Variants in ATP13A5 observed in about 807,000 individuals in gnomAD.
The protein encoded by ATP13A5 is ATPase 13A5, also known as probable cation-transporting ATPase 13A5.
A neutral mutation model predicts 150.2 loss-of-function variants in ATP13A5; 149 were observed. The observed-to-expected ratio is 0.99, with a 90% CI of 0.87 to 1.14. The LOEUF is 1.14. ATP13A5 is among the 50% of genes most tolerant of loss of function. The pLI is 0.00. For missense variants in ATP13A5, 1,383 were observed against 1,449.3 expected (o/e 0.95, Z 0.74); for synonymous variants, 497 against 522.2 (o/e 0.95, Z 0.66).
Position 193,331,170 on chromosome 3 carries a change from G to A in ATP13A5, c.1414C>T (p.Gln472Ter), listed in dbSNP as rs765298077. 17 of 1,614,082 alleles carry A rather than the reference G, an allele frequency of 1.1e-5. No individual in the cohort carries two copies. Among genetic ancestry groups the A allele is most frequent in the Non-Finnish European group, 1.4e-5 (17 of 1,179,966 alleles). The change falls in exon 12 of 30, where the codon CAG becomes TAG. Residue 472 changes from glutamine to a stop codon, truncating the protein, a stop_gained. Coordinates refer to ENST00000342358, the MANE Select transcript of ATP13A5 (RefSeq NM_198505.4). LOFTEE classifies it high-confidence loss of function. ...ATTTGCCCACACATGTTGATTCTCT[G>A]TGGGGAGATACAGAAGATTTTCTTT... ...KKKKIFCISP[Q>*]RINMCGQINL...
intron 7 of ATP13A5, 77 bp from the exon 8 acceptor site, chr3:193,345,152 C>T: frequency 7.4e-7 from 1 of 1,351,946 alleles, no homozygotes. Context: ...ACAGTAAATA[C>T]CAGGCCAGCT....
chr3:193,329,227 G>A (rs1259038053), intron 12 of ATP13A5, among the ~76,000 whole-genome samples: 7 of 146,044 alleles, frequency 4.8e-5, no homozygotes, highest in South Asian at 2.3e-4. Context: ...GTGACAGAGC[G>A]AGACTCCATC....
In ATP13A5 at chr3:193,322,523, T is replaced by G; in HGVS notation, c.1726A>C (p.Asn576His). Residue 576 changes from asparagine to histidine, a missense_variant, in exon 15 of 30, where the codon AAC (asparagine) becomes CAC (histidine). By Grantham distance (68) the Asn-to-His change is moderately conservative. Transcript: ENST00000342358. ...GCTTTTGGTCCTGGTTTTATGATGTTTGAAACTGACGTCCCAAATTTGCAG... is the reference window on the plus strand; with the variant it reads ...GCTTTTGGTCCTGGTTTTATGATGTGTGAAACTGACGTCCCAAATTTGCAG... The part of the protein sequence containing the change: ...DSCKFGTSVS[N>H]IIKPGPKASK... 6 of 1,613,990 alleles carry G rather than the reference T, an allele frequency of 3.7e-6. No homozygotes were observed. The highest frequency in any genetic ancestry group is 5.1e-6 in the Non-Finnish European group (6 of 1,179,914).
At chr3:193,283,922 T>A (rs968310937) in intron 27 of ATP13A5, among the ~76,000 whole-genome samples, 1 of 151,012 alleles carries the variant, frequency 6.6e-6, no homozygotes, top group East Asian at 1.9e-4. Context: ...GGCATAATTA[T>A]TAATAGTGTC....
intron 25 of ATP13A5, among the ~76,000 whole-genome samples, chr3:193,290,433 A>C (rs373912694): frequency 2.0e-5 from 3 of 152,114 alleles, no homozygotes; most frequent in Admixed American, 2.0e-4. Flanking sequence ...TGATGACAGG[A>C]AAGTGGAGAG....
rs181470282 is a variant in ATP13A5 at position 193,283,944 on chromosome 3, C to A, written c.3226+970G>T. On this transcript the variant is annotated intron_variant, in intron 27 of 29. Coordinates refer to ENST00000342358, the MANE Select transcript of ATP13A5 (RefSeq NM_198505.4). ...TTATTAATAGTGTCTCACTTCACTC[C>A]TAAAGAGTGTCCCAGTCTGATCAGT... Among the ~76,000 whole-genome samples the A allele has an allele frequency of 3.5e-3, 527 of 150,894 alleles. 2 individuals are homozygous for A. Among genetic ancestry groups the A allele is most frequent in the South Asian group, 9.2e-3 (43 of 4,688 alleles).
intron 13 of ATP13A5, among the ~76,000 whole-genome samples, chr3:193,325,515 T>C (rs1577350971): frequency 6.6e-6 from 1 of 152,172 alleles, no homozygotes; most frequent in Admixed American, 6.5e-5. Context: ...GCCCACATAA[T>C]GGCAGCATTG....
intron 5 of ATP13A5, among the ~76,000 whole-genome samples, chr3:193,362,155 C>T (rs927702976): frequency 2.6e-5 from 4 of 152,144 alleles, no homozygotes; most frequent in African/African-American, 7.2e-5. Flanking sequence ...CTCTACAAGC[C>T]TGAGATAAAA....
intron 12 of ATP13A5, among the ~76,000 whole-genome samples, chr3:193,328,957 C>T (rs1286614877): frequency 6.6e-6 from 1 of 152,168 alleles, no homozygotes; most frequent in Non-Finnish European, 1.5e-5. Context: ...AAAAGTCACA[C>T]AGAGATGGGC....
chr3:193,344,985 GC>G lies in ATP13A5; in HGVS notation c.814+17del. On this transcript the variant is annotated intron_variant, in intron 8 of 29. Coordinates refer to ENST00000342358, the MANE Select transcript of ATP13A5 (RefSeq NM_198505.4). ...CTGAAATATTAAGATGCTGAAGATGGCCTAACACATCACTTACCTTTGTCTT... is the reference window on the plus strand; with the variant it reads ...CTGAAATATTAAGATGCTGAAGATGGCTAACACATCACTTACCTTTGTCTT... The G allele has an allele frequency of 1.2e-6, 2 of 1,603,128 alleles. No homozygotes were observed. The highest frequency in any genetic ancestry group is 1.7e-6 in the Non-Finnish European group (2 of 1,170,230).
intron 2 of ATP13A5, 151 bp downstream of exon 2, chr3:193,363,956 G>T (rs1713137157): frequency 1.2e-6 from 1 of 805,446 alleles, no homozygotes; most frequent in Non-Finnish European, 1.9e-6. Context: ...AGGTAATTTT[G>T]CCGTATTTTC....
In ATP13A5 at chr3:193,315,057, G is replaced by A. The variant is rs1267537387; in HGVS notation, c.2073C>T (p.Leu691=). The stretch of plus-strand genomic sequence containing the variant: ...CTTTTTTCAAGCGATTCTCCATGAT[G>A]AGAAGTCCCAGAAATGTTAACTCTG... ...VESELTFLGL[L]IMENRLKKET... Residue 691 remains leucine, a synonymous_variant, in exon 18 of 30, where the codon CTC becomes CTT. Transcript: ENST00000342358. The A allele has an allele frequency of 3.7e-6, 6 of 1,613,038 alleles. No individual in the cohort carries two copies. Among genetic ancestry groups the A allele is most frequent in the Admixed American group, 1.7e-5 (1 of 59,932 alleles).
At chr3:193,326,648 C>T (rs765671989) in intron 13 of ATP13A5, among the ~76,000 whole-genome samples, 6 of 152,174 alleles carry the variant, frequency 3.9e-5, no homozygotes, top group Non-Finnish European at 5.9e-5. Context: ...TTTTATCCCG[C>T]TAGACTGTGA....
intron 1 of ATP13A5, among the ~76,000 whole-genome samples, chr3:193,370,118 T>A (rs1334548368): frequency 6.6e-6 from 1 of 152,208 alleles, no homozygotes; most frequent in East Asian, 1.9e-4. Context: ...GCAGTGGTGT[T>A]CCTTTACATT....
rs1711787750 is a variant in ATP13A5 at position 193,334,868 on chromosome 3, C to T, written c.1114+61G>A. On this transcript the variant is annotated intron_variant, in intron 10 of 29. Coordinates refer to ENST00000342358, the MANE Select transcript of ATP13A5 (RefSeq NM_198505.4). ...CTCCATAATCCTAAACTAAATTTCCCTAATCCAACTCTCCCCATGTTCAAG... is the reference window on the plus strand; with the variant it reads ...CTCCATAATCCTAAACTAAATTTCCTTAATCCAACTCTCCCCATGTTCAAG... 2.0e-6 allele frequency: 3 copies of T among 1,516,542 alleles called. No individual in the cohort carries two copies. The African/African-American group carries it at 4.1e-5, about 21-fold the overall frequency. The allele number at this position is 1,516,542 out of a possible 1,614,324, so 93.9% of individuals were successfully genotyped here. A position where few individuals can be genotyped will look rare whatever the true frequency, so the allele number is the denominator to read the frequency against.
At chr3:193,306,480 AC>A (rs1265438628) in intron 22 of ATP13A5, among the ~76,000 whole-genome samples, 2 of 152,200 alleles carry the variant, frequency 1.3e-5, no homozygotes, top group South Asian at 2.1e-4. Flanking sequence ...AAAGCAAAAA[AC>A]ATCTCTAGCT....
At position 193,350,922 on chromosome 3, in the gene ATP13A5, T is replaced by C. The variant is rs190169333; in HGVS notation, c.741+145A>G. The C allele has an allele frequency of 4.0e-4, 336 of 846,046 alleles. 1 individual carries two copies. Among genetic ancestry groups the C allele is most frequent in the African/African-American group, 1.5e-3 (87 of 58,194 alleles). 52.4% of individuals were successfully genotyped at this position (846,046 alleles called of 1,614,324 possible). The stretch of plus-strand genomic sequence containing the variant: ...TCTCCCTGGTAGTCCAAAGTCCTTC[T>C]GTCATCCCATATTTGGTAAGCCCTC... On this transcript the variant is annotated intron_variant, in intron 7 of 29. Coordinates refer to ENST00000342358, the MANE Select transcript of ATP13A5 (RefSeq NM_198505.4).
At chr3:193,350,403 C>G (rs1712519541) in intron 7 of ATP13A5, among the ~76,000 whole-genome samples, 2 of 152,028 alleles carry the variant, frequency 1.3e-5, no homozygotes. Context: ...GATTCTAACC[C>G]TGGATATTTT....
At chr3:193,372,651 T>C (rs542015644) in intron 1 of ATP13A5, among the ~76,000 whole-genome samples, 10 of 152,348 alleles carry the variant, frequency 6.6e-5, no homozygotes, top group African/African-American at 2.4e-4. Flanking sequence ...TAATTTTTTA[T>C]AGCTACATCA....
Sources: gnomAD v4.1 joint callset for allele counts (sites outside exome capture counted in the v4.1 genomes callset) on GRCh38, gnomAD v4.1.1 for gene constraint, MANE v1.5 for transcripts, NCBI Gene and HGNC (gene_info 2026-07-23, HGNC 2026-07-21) for gene names.